CABLES2: variants seen among roughly 807,000 people sequenced by gnomAD.
CABLES2 encodes the protein Cdk5 and Abl enzyme substrate 2, also known as CDK5 and ABL1 enzyme substrate 2.
CABLES2 carries 35 observed loss-of-function variants against 44.8 expected under a neutral mutation model. The ratio of observed to expected loss-of-function variants is 0.78; its 90% CI spans 0.60 to 1.04. CABLES2 has a LOEUF of 1.04. CABLES2 is among the 50% of genes least tolerant of loss of function. The pLI, the probability that CABLES2 is intolerant of heterozygous loss-of-function variation, is 0.00. For missense variants in CABLES2, 566 were observed against 615.7 expected, an observed-to-expected ratio of 0.92 and a Z score of 0.85; for synonymous variants, 282 against 281.1, an observed-to-expected ratio of 1.00 and a Z score of -0.03.
In CABLES2 at chr20:62,392,922, TGTAC is replaced by T; in HGVS notation, c.978_981del (p.Tyr327Ter). The T allele has an allele frequency of 1.2e-6, 2 of 1,613,570 alleles. No homozygotes were observed. Among genetic ancestry groups the T allele is most frequent in the Non-Finnish European group, 1.7e-6 (2 of 1,179,696 alleles). Reference sequence around the variant, plus strand: ...AGGCCCTGGGAGAGGGCACTCACCATGTACGACGCAAAGATGAGGACACGTTTGT... The same window carrying T: ...AGGCCCTGGGAGAGGGCACTCACCATGACGCAAAGATGAGGACACGTTTGT... On this transcript the variant is annotated frameshift_variant, in exon 7 of 10. Transcript: ENST00000279101. LOFTEE classifies it high-confidence loss of function.
chr20:62,405,193 C>G (rs1988258387), intron 1 of CABLES2: 1 of 152,388 alleles, frequency 6.6e-6, no homozygotes, highest in African/African-American at 2.4e-5. Context: ...GTTTCCATGT[C>G]AAACAACAGG....
At chr20:62,398,422 G>A (rs957615398) in intron 1 of CABLES2, among the ~76,000 whole-genome samples, 10 of 152,238 alleles carry the variant, frequency 6.6e-5, no homozygotes, top group African/African-American at 2.2e-4. Flanking sequence ...ATTAAATGGA[G>A]CAACTTGGCC....
intron 1 of CABLES2, among the ~76,000 whole-genome samples, chr20:62,397,984 C>CGGTGGTGGTGATGGTGGT (rs1569017274): frequency 2.3e-5 from 1 of 43,796 alleles, no homozygotes; most frequent in East Asian, 3.5e-4. Flanking sequence ...GTGGTGATGG[C>CGGTGGTGGTGATGGTGGT]GGTGGTGGTG....
Position 62,390,729 on chromosome 20 carries a change from G to A in CABLES2, c.*242C>T. On this transcript the variant is annotated 3_prime_UTR_variant, in exon 10 of 10. Transcript: ENST00000279101. ...GTAACAAACCTCACATTTAGTTTAT[G>A]TAAAAATGCAGGAGAATTCTCAGAA... 1 of 551,400 alleles carries A rather than the reference G, an allele frequency of 1.8e-6. No homozygotes were observed. The highest frequency in any genetic ancestry group is 3.2e-6 in the Non-Finnish European group (1 of 307,936). The allele number at this position is 551,400 out of a possible 1,614,324, so 34.2% of individuals were successfully genotyped here.
At chr20:62,392,830 G>T in intron 7 of CABLES2, 90 bp downstream of exon 7, 1 of 1,170,430 alleles carries the variant, frequency 8.5e-7, no homozygotes, top group South Asian at 1.3e-5. Context: ...CACGCCCCTG[G>T]GGCAGCTTTG....
chr20:62,392,795 G>T, intron 7 of CABLES2, 125 bp downstream of exon 7: 2 of 843,032 alleles, frequency 2.4e-6, no homozygotes, highest in Admixed American at 2.0e-5. Flanking sequence ...TGTCTGTGCT[G>T]CTGCGATCCG....
In CABLES2 at chr20:62,396,405, G is replaced by T. The variant is rs755270357; in HGVS notation, c.437C>A (p.Thr146Asn). 28 of 1,613,802 alleles carry T rather than the reference G, an allele frequency of 1.7e-5. No individual in the cohort carries two copies. Among genetic ancestry groups the T allele is most frequent in the Non-Finnish European group, 2.1e-5 (25 of 1,179,956 alleles). ...TCTCGGTGATCCAGATGTGTGTTTGGTTCTGCAAGGCAAAGGACACAGGTC... is the reference window on the plus strand; with the variant it reads ...TCTCGGTGATCCAGATGTGTGTTTGTTTCTGCAAGGCAAAGGACACAGGTC... ...DAVGCAPAQR[T>N]KHTSGSPRHK... Residue 146 changes from threonine to asparagine, a missense_variant and splice_region_variant, in exon 3 of 10, where the codon ACC (threonine) becomes AAC (asparagine). Around this residue, in one of 2 missense-constraint regions of CABLES2, gnomAD observed 436 missense variants for 536.3 expected, o/e 0.81. Transcript: ENST00000279101. This position sits in a 1 kb window ranked among gnomAD's most constrained non-coding sequence, Gnocchi z 5.7.
At chr20:62,393,979 G>A (rs181966595) in intron 5 of CABLES2, among the ~76,000 whole-genome samples, 178 bp downstream of exon 5, 3 of 152,308 alleles carry the variant, frequency 2.0e-5, no homozygotes, top group Admixed American at 6.5e-5. Context: ...GGGGGAGTCC[G>A]ACGGGCTCCA....
chr20:62,394,805 G>T, intron 4 of CABLES2, 132 bp downstream of exon 4: 2 of 742,494 alleles, frequency 2.7e-6, no homozygotes, highest in Non-Finnish European at 4.4e-6. Context: ...GACATGCTGA[G>T]CCTCGCATGA....
chr20:62,398,572 G>A (rs558065299), intron 1 of CABLES2, among the ~76,000 whole-genome samples: 5 of 152,300 alleles, frequency 3.3e-5, no homozygotes, highest in Admixed American at 2.0e-4. Context: ...GGCCAGCGCC[G>A]TCCTCAGGGT....
intron 3 of CABLES2, among the ~76,000 whole-genome samples, chr20:62,395,870 G>A (rs1212197111): frequency 3.9e-5 from 6 of 152,216 alleles, no homozygotes; most frequent in African/African-American, 7.2e-5. Context: ...CGGCCTCCCC[G>A]ACACAGCCTC....
At position 62,390,632 on chromosome 20, in the gene CABLES2, G is replaced by A. The variant is rs908110090; in HGVS notation, c.*339C>T. 13 of 294,568 alleles carry A rather than the reference G, an allele frequency of 4.4e-5. No individual in the cohort carries two copies. The highest frequency in any genetic ancestry group is 1.9e-4 in the African/African-American group (9 of 47,292). The allele number at this position is 294,568 out of a possible 1,614,324, so 18.2% of individuals were successfully genotyped here. A position where few individuals can be genotyped will look rare whatever the true frequency, so the allele number is the denominator to read the frequency against. ...AGGCCAGGGGAGACACACTGCAGCC[G>A]GCTCGCTGCTGCACGCTGTGAACAA... On this transcript the variant is annotated 3_prime_UTR_variant, in exon 10 of 10. Coordinates refer to ENST00000279101, the MANE Select transcript of CABLES2 (RefSeq NM_031215.3).
At chr20:62,397,688 C>T (rs1988043779) in intron 1 of CABLES2, among the ~76,000 whole-genome samples, 1 of 152,226 alleles carries the variant, frequency 6.6e-6, no homozygotes, top group Non-Finnish European at 1.5e-5. Context: ...TACCGGGAGC[C>T]ATGAATGTGT....
chr20:62,405,644 G>C (rs1988268318), intron 1 of CABLES2: 2 of 152,292 alleles, frequency 1.3e-5, no homozygotes, highest in Admixed American at 6.5e-5. Context: ...GACCTTAGAG[G>C]AACCCAATGC....
Position 62,394,220 on chromosome 20 carries a change from G to T in CABLES2, c.651C>A (p.Gly217=). The T allele has an allele frequency of 6.2e-7, 1 of 1,613,536 alleles. No homozygotes were observed. The highest frequency in any genetic ancestry group is 1.1e-5 in the South Asian group (1 of 91,076). Residue 217 remains glycine (G), a synonymous_variant, in exon 5 of 10, where the codon GGC becomes GGA. Coordinates refer to ENST00000279101, the MANE Select transcript of CABLES2 (RefSeq NM_031215.3). ...DSQKQRHPSG[G]VSVSSEMVFE... ...AGACCATCTCGGAAGACACAGAGAC[G>T]CCGCCGGACGGGTGCCTCTGCTTCT... is the stretch of plus-strand genomic sequence containing the variant.
intron 1 of CABLES2, among the ~76,000 whole-genome samples, chr20:62,398,030 GACA>G (rs1191965733): frequency 9.8e-5 from 14 of 142,202 alleles, no homozygotes; most frequent in East Asian, 4.0e-4. Flanking sequence ...TGGTGGTGGT[GACA>G]GTGATGGTGA....
chr20:62,398,070 ACGGTGGTGG>A (rs1988079675), intron 1 of CABLES2, among the ~76,000 whole-genome samples: 19 of 28,962 alleles, frequency 6.6e-4, no homozygotes, highest in South Asian at 1.5e-3. Context: ...GGTGGTGGTG[ACGGTGGTGG>A]TGGTGGTGAC....
chr20:62,391,147 C>T lies in CABLES2; in HGVS notation c.1297-36G>A, dbSNP rs1342361856. The T allele has an allele frequency of 1.2e-6, 2 of 1,608,794 alleles. No homozygotes were observed. Among genetic ancestry groups the T allele is most frequent in the African/African-American group, 1.3e-5 (1 of 74,860 alleles). On this transcript the variant is annotated intron_variant, in intron 9 of 9. Coordinates refer to ENST00000279101, the MANE Select transcript of CABLES2 (RefSeq NM_031215.3). This position sits in a 1 kb window ranked among gnomAD's most constrained non-coding sequence, Gnocchi z 5.7. ...GAAGAGAGAAGGGTTACACGGGAGC[C>T]TTCCCTCTTCCACATTTCCCACCCG...
At chr20:62,393,396 G>A (rs373115632) in intron 6 of CABLES2, 44 bp downstream of exon 6, 47 of 1,543,316 alleles carry the variant, frequency 3.0e-5, no homozygotes, top group South Asian at 2.5e-4. Context: ...GTTAAGGCAC[G>A]CGGGTCACCC....
Sources: gnomAD v4.1 joint callset for allele counts (sites outside exome capture counted in the v4.1 genomes callset) on GRCh38, gnomAD v4.1.1 for gene constraint, gnomAD v4.1.1 regional missense constraint, Gnocchi (gnomAD v3.1) non-coding constraint, MANE v1.5 for transcripts, NCBI Gene and HGNC (gene_info 2026-07-23, HGNC 2026-07-21) for gene names.